ARHGAP17: variants seen among roughly 807,000 people sequenced by gnomAD.
ARHGAP17 encodes Rho GTPase activating protein 17, also known as rho GTPase-activating protein 17.
In ARHGAP17, 57 loss-of-function variants were observed where a neutral mutation model predicts 99.5. The observed-to-expected ratio is 0.57, with a 90% CI of 0.46 to 0.71. ARHGAP17 has a LOEUF of 0.71. Ranked by LOEUF, ARHGAP17 falls within the 30% of genes least tolerant of loss-of-function variation. ARHGAP17 has a pLI of 0.00. For missense variants in ARHGAP17, 1,000 were observed against 1,122.4 expected (o/e 0.89, Z 1.56); for synonymous variants, 417 against 429.6 (o/e 0.97, Z 0.36).
At position 24,920,257 on chromosome 16, in the gene ARHGAP17, G is replaced by A. The variant is rs2050686016; in HGVS notation, c.2519C>T (p.Ser840Phe). ...APTASKIVTD[S>F]NSRVSEPHRS... ...ATGCGGTTCTGAAACCCTGGAATTG[G>A]AGTCTGGACAAAAACACGAGGAGAC... is the stretch of plus-strand genomic sequence containing the variant. The change falls in exon 20 of 20, where the codon TCC becomes TTC. Residue 840 changes from serine (S) to phenylalanine (F), a missense_variant. Transcript: ENST00000289968. The A allele has an allele frequency of 1.9e-6, 3 of 1,614,038 alleles. No individual in the cohort carries two copies. The highest frequency in any genetic ancestry group is 2.5e-6 in the Non-Finnish European group (3 of 1,179,972).
chr16:24,999,488 C>T (rs1477279710), intron 1 of ARHGAP17, among the ~76,000 whole-genome samples: 3 of 152,056 alleles, frequency 2.0e-5, no homozygotes, highest in Middle Eastern at 3.2e-3. Flanking sequence ...ACAATCATGA[C>T]TCACTGCAGC....
chr16:24,931,881 C>G, intron 18 of ARHGAP17, among the ~76,000 whole-genome samples: 1 of 152,118 alleles, frequency 6.6e-6, no homozygotes, highest in Non-Finnish European at 1.5e-5. Context: ...TTTGGGAGGC[C>G]AAAGCAGGCG....
At chr16:24,982,828 G>C (rs1386511484) in intron 1 of ARHGAP17, among the ~76,000 whole-genome samples, 1 of 140,716 alleles carries the variant, frequency 7.1e-6, no homozygotes, top group East Asian at 1.9e-4. Flanking sequence ...TTTCTGAGAA[G>C]TGTTATCTTT....
At chr16:24,952,063 C>A (rs985855390) in intron 12 of ARHGAP17, among the ~76,000 whole-genome samples, 9 of 152,204 alleles carry the variant, frequency 5.9e-5, no homozygotes, top group African/African-American at 2.2e-4. Context: ...CTTCATCCAC[C>A]TAAATAACAC....
intron 11 of ARHGAP17, 38 bp from the exon 12 acceptor site, chr16:24,952,408 G>T (rs779131713): frequency 6.7e-7 from 1 of 1,501,608 alleles, no homozygotes; most frequent in East Asian, 2.3e-5. Context: ...ATGAAAAAGG[G>T]GTAAGGCTAG....
chr16:24,966,283 G>A (rs1002551287), intron 6 of ARHGAP17, among the ~76,000 whole-genome samples: 5 of 152,068 alleles, frequency 3.3e-5, no homozygotes, highest in South Asian at 4.2e-4. Context: ...ATTTACTTGC[G>A]GCCAGGAGTT....
chr16:24,959,806 C>T (rs1247452536), intron 8 of ARHGAP17, 54 bp from the exon 9 acceptor site: 8 of 1,606,610 alleles, frequency 5.0e-6, no homozygotes, highest in South Asian at 3.3e-5. Context: ...CGGATGGACA[C>T]ACACACAATG....
At chr16:24,993,483 G>A (rs148164126) in intron 1 of ARHGAP17, among the ~76,000 whole-genome samples, 1,800 of 152,096 alleles carry the variant, frequency 0.012, 16 homozygotes, top group Non-Finnish European at 0.018. Context: ...CAGCTACTCA[G>A]GAGGCTGAGG....
chr16:24,943,814 C>T lies in ARHGAP17; in HGVS notation c.1290G>A (p.Val430=). The T allele has an allele frequency of 6.2e-7, 1 of 1,614,198 alleles. No individual in the cohort carries two copies. Among genetic ancestry groups the T allele is most frequent in the Admixed American group, 1.7e-5 (1 of 60,032 alleles). Residue 430 remains valine, a synonymous_variant, in exon 15 of 20, where the codon GTG becomes GTA. Coordinates refer to ENST00000289968, the MANE Select transcript of ARHGAP17 (RefSeq NM_001006634.3). ...AAATSVHVVA[V]IEPIIQHADW... ...CGGCATGCTGAATGATGGGTTCAAT[C>T]ACTGCAACCACATGGACGGATGTGG... is the stretch of plus-strand genomic sequence containing the variant.
At chr16:24,924,446 T>TTG (rs2050790855) in intron 19 of ARHGAP17, among the ~76,000 whole-genome samples, 1 of 150,108 alleles carries the variant, frequency 6.7e-6, no homozygotes, top group African/African-American at 2.4e-5. Flanking sequence ...TTTTCTGTTT[T>TTG]TTTTTTTTTT....
intron 1 of ARHGAP17, among the ~76,000 whole-genome samples, chr16:25,003,199 C>T (rs1289879029): frequency 7.0e-6 from 1 of 143,028 alleles, no homozygotes. Context: ...TTATACAGGG[C>T]AAATAAAACA....
At position 24,935,628 on chromosome 16, in the gene ARHGAP17, G is replaced by A. The variant is rs755242883; in HGVS notation, c.1736C>T (p.Pro579Leu). 11 of 1,613,798 alleles carry A rather than the reference G, an allele frequency of 6.8e-6. No homozygotes were observed. The Admixed American group carries it at 1.0e-4, about 15-fold the overall frequency. Residue 579 changes from proline to leucine, a missense_variant, in exon 18 of 20, where the codon CCG becomes CTG. Coordinates refer to ENST00000289968, the MANE Select transcript of ARHGAP17 (RefSeq NM_001006634.3). Reference protein sequence around the residue: ...PSPGDGSPPKPKDPVSAAVPA... With the variant: ...PSPGDGSPPKLKDPVSAAVPA... Reference sequence around the variant, plus strand: ...CACAGCTGCAGATACAGGGTCCTTCGGTTTGGGAGGACTAAGAGGAGTAAA... The same window carrying A: ...CACAGCTGCAGATACAGGGTCCTTCAGTTTGGGAGGACTAAGAGGAGTAAA...
chr16:24,980,157 C>G (rs2052633249), intron 1 of ARHGAP17, among the ~76,000 whole-genome samples: 1 of 152,200 alleles, frequency 6.6e-6, no homozygotes, highest in Non-Finnish European at 1.5e-5. Context: ...AGGAAAAGCT[C>G]TTGGGCCAGA....
At chr16:24,924,169 C>A (rs1314025309) in intron 19 of ARHGAP17, among the ~76,000 whole-genome samples, 2 of 152,012 alleles carry the variant, frequency 1.3e-5, no homozygotes, top group Non-Finnish European at 2.9e-5. Context: ...CCTTCCTTCA[C>A]CAGTGAACGG....
chr16:24,942,161 A>C lies in ARHGAP17; in HGVS notation c.1334-18T>G, dbSNP rs2051330628. 1 of 1,599,216 alleles carries C rather than the reference A, an allele frequency of 6.3e-7. No homozygotes were observed. The highest frequency in any genetic ancestry group is 8.5e-7 in the Non-Finnish European group (1 of 1,172,540). On this transcript the variant is annotated intron_variant, in intron 15 of 19. Transcript: ENST00000289968. The stretch of plus-strand genomic sequence containing the variant: ...TTCCACCTCTGCAAGAGGAAAAATA[A>C]ACAAGTGCATGAGACACTGAGCACA...
At chr16:24,940,727 C>G (rs1010041556) in intron 16 of ARHGAP17, among the ~76,000 whole-genome samples, 8 of 151,970 alleles carry the variant, frequency 5.3e-5, no homozygotes, top group Non-Finnish European at 8.8e-5. Flanking sequence ...CTGGAAAAAG[C>G]CGTTGCTTTG....
chr16:24,996,365 T>C (rs2053191918), intron 1 of ARHGAP17, among the ~76,000 whole-genome samples: 1 of 152,206 alleles, frequency 6.6e-6, no homozygotes, highest in African/African-American at 2.4e-5. Context: ...CTTCTGGGGA[T>C]GGAGCATTCA....
chr16:24,922,467 GA>G (rs1021391727), intron 19 of ARHGAP17, among the ~76,000 whole-genome samples: 31 of 152,008 alleles, frequency 2.0e-4, no homozygotes, highest in Non-Finnish European at 1.0e-4. Flanking sequence ...AATTCAAGGG[GA>G]AAAAATGTGT....
intron 4 of ARHGAP17, 36 bp from the exon 5 acceptor site, chr16:24,968,808 T>A (rs2052273867): frequency 6.2e-7 from 1 of 1,600,144 alleles, no homozygotes; most frequent in Non-Finnish European, 8.6e-7. Context: ...GAGCACGTGC[T>A]CATTAAATCA....
Sources: gnomAD v4.1 joint callset for allele counts (sites outside exome capture counted in the v4.1 genomes callset) on GRCh38, gnomAD v4.1.1 for gene constraint, MANE v1.5 for transcripts, NCBI Gene and HGNC (gene_info 2026-07-23, HGNC 2026-07-21) for gene names.